The following SOBP variants were observed in gnomAD, a reference collection of about 807,000 sequenced individuals.
SOBP encodes sine oculis-binding protein homolog.
A neutral mutation model predicts 53.6 loss-of-function variants in SOBP; 4 were observed. The observed-to-expected ratio is 0.07, with a 90% CI of 0.04 to 0.17. The LOEUF is 0.17. Ranked by LOEUF, SOBP falls within the 10% of genes least tolerant of loss-of-function variation. SOBP has a pLI of 1.00. For synonymous variants in SOBP, 584 were observed against 522.6 expected, an observed-to-expected ratio of 1.12 and a Z score of -1.60; for missense variants, 1,088 against 1,204.7, an observed-to-expected ratio of 0.90 and a Z score of 1.43.
At chr6:107,628,615 A>G (rs752063182) in intron 5 of SOBP, among the ~76,000 whole-genome samples, 14 of 152,200 alleles carry the variant, frequency 9.2e-5, no homozygotes, top group Non-Finnish European at 1.9e-4. Context: ...GCACACAATC[A>G]TTAGACTGTT....
chr6:107,587,461 TATAGAGAA>T, intron 5 of SOBP, among the ~76,000 whole-genome samples: 1 of 152,250 alleles, frequency 6.6e-6, no homozygotes, highest in Non-Finnish European at 1.5e-5. Context: ...AAGTTAAAAA[TATAGAGAA>T]AGACAGTTGA....
chr6:107,636,025 T>TA (rs1724024529), intron 6 of SOBP, among the ~76,000 whole-genome samples: 1 of 152,224 alleles, frequency 6.6e-6, no homozygotes, highest in Non-Finnish European at 1.5e-5. Context: ...ACCTAACTCT[T>TA]ACATGCATAT....
intron 5 of SOBP, among the ~76,000 whole-genome samples, chr6:107,601,467 GTGTT>G (rs968944209): frequency 6.6e-6 from 1 of 152,204 alleles, no homozygotes; most frequent in African/African-American, 2.4e-5. Flanking sequence ...TTAAAAATAA[GTGTT>G]TGTCATCTTT....
At chr6:107,558,219 A>C (rs1182108512) in intron 4 of SOBP, 2 of 152,130 alleles carry the variant, frequency 1.3e-5, no homozygotes, top group Non-Finnish European at 2.9e-5. Context: ...GAGAACATAA[A>C]ATACTTTGGA....
At position 107,505,416 on chromosome 6, in the gene SOBP, G is replaced by A. The variant is rs1448792196; in HGVS notation, c.236-826G>A. On this transcript the variant is annotated intron_variant, in intron 2 of 6. Transcript: ENST00000317357. ...CAGTTCACTGCAACCTCCGCCTCCT[G>A]GGTTCAAGCGATTCTCGTGCCTCAA... Among the ~76,000 whole-genome samples the A allele has an allele frequency of 2.0e-5, 3 of 151,486 alleles. No individual in the cohort carries two copies. In the East Asian group the frequency reaches 5.8e-4, roughly 30 times the overall value.
intron 1 of SOBP, among the ~76,000 whole-genome samples, chr6:107,491,004 CG>C (rs1319708680): frequency 6.6e-6 from 1 of 152,082 alleles, no homozygotes; most frequent in Non-Finnish European, 1.5e-5. Flanking sequence ...ACTCGAGCGG[CG>C]TTGGGCAGGG....
intron 6 of SOBP, among the ~76,000 whole-genome samples, chr6:107,652,765 C>G (rs1173948059): frequency 6.6e-6 from 1 of 152,150 alleles, no homozygotes; most frequent in East Asian, 1.9e-4. Context: ...GCAACCACCA[C>G]CCTGATTAGT....
intron 5 of SOBP, among the ~76,000 whole-genome samples, chr6:107,606,286 A>AG (rs559338190): frequency 0.016 from 2,388 of 152,132 alleles, 38 homozygotes; most frequent in Non-Finnish European, 0.02. Flanking sequence ...CATGTTGGCC[A>AG]GGCTGGTCTC....
intron 5 of SOBP, among the ~76,000 whole-genome samples, chr6:107,610,932 C>G (rs767939423): frequency 1.5e-4 from 23 of 152,230 alleles, no homozygotes; most frequent in Non-Finnish European, 2.1e-4. Flanking sequence ...CCATAGTTAC[C>G]ATTTGTAGAG....
chr6:107,563,428 G>A (rs1440613749), intron 4 of SOBP, among the ~76,000 whole-genome samples: 1 of 152,086 alleles, frequency 6.6e-6, no homozygotes, highest in Non-Finnish European at 1.5e-5. Flanking sequence ...AGAAAAATGA[G>A]TTGCAACTCT....
In SOBP at chr6:107,634,515, C is replaced by A; in HGVS notation, c.1671C>A (p.Ser557Arg). 4.3e-6 allele frequency: 7 copies of A among 1,611,354 alleles called. No homozygotes were observed. The highest frequency in any genetic ancestry group is 5.1e-6 in the Non-Finnish European group (6 of 1,179,920). The change falls in exon 6 of 7, where the codon AGC becomes AGA. Residue 557 changes from serine to arginine, a missense_variant. Ser to Arg is a moderately radical substitution (Grantham distance 110, BLOSUM62 -1). This residue lies in a region of SOBP where 665 missense variants were observed against 629.7 expected (regional missense o/e 1.06). Transcript: ENST00000317357. The surrounding 1 kb of genome is among the most constrained non-coding windows in gnomAD (Gnocchi z 4.5). Reference protein sequence around the residue: ...SDSKPPNGFSSNGENFIPNAP... With the variant: ...SDSKPPNGFSRNGENFIPNAP... ...CCAAGCCCCCCAACGGGTTCTCCAGCAACGGGGAGAACTTCATTCCGAACG... is the reference window on the plus strand; with the variant it reads ...CCAAGCCCCCCAACGGGTTCTCCAGAAACGGGGAGAACTTCATTCCGAACG...
At chr6:107,549,645 T>C (rs780092170) in intron 4 of SOBP, among the ~76,000 whole-genome samples, 2 of 152,140 alleles carry the variant, frequency 1.3e-5, no homozygotes, top group Non-Finnish European at 2.9e-5. Flanking sequence ...AATGTAGTCA[T>C]TTAGTACTTA....
At chr6:107,622,319 G>A (rs1022997372) in intron 5 of SOBP, among the ~76,000 whole-genome samples, 1 of 152,172 alleles carries the variant, frequency 6.6e-6, no homozygotes, top group African/African-American at 2.4e-5. Context: ...TGGGAAGAAT[G>A]TATTTACAGA....
At chr6:107,603,087 T>C in intron 5 of SOBP, among the ~76,000 whole-genome samples, 1 of 152,214 alleles carries the variant, frequency 6.6e-6, no homozygotes, top group East Asian at 1.9e-4. Flanking sequence ...GATACTCAGC[T>C]AGCAGATGCT....
chr6:107,632,320 TG>T lies in SOBP; in HGVS notation c.670-1192del, dbSNP rs146325905. 5.0e-3 allele frequency among the ~76,000 whole-genome samples: 748 copies of T among 148,384 alleles called. 6 individuals are homozygous for T. The highest frequency in any genetic ancestry group is 0.017 in the African/African-American group (697 of 39,916). ...ATATATGGCTTGAGTGCTGAGAAAA[TG>T]GCCCCCCCCCAAAAAAAAGGAAAAA... is the stretch of plus-strand genomic sequence containing the variant. On this transcript the variant is annotated intron_variant, in intron 5 of 6. Coordinates refer to ENST00000317357, the MANE Select transcript of SOBP (RefSeq NM_018013.4).
At chr6:107,504,586 A>C (rs1390915371) in intron 2 of SOBP, among the ~76,000 whole-genome samples, 1 of 152,210 alleles carries the variant, frequency 6.6e-6, no homozygotes, top group East Asian at 1.9e-4. Context: ...ACTTTAATAA[A>C]ATGTGGGTAA....
chr6:107,617,867 G>A (rs1373509635), intron 5 of SOBP, among the ~76,000 whole-genome samples: 1 of 132,828 alleles, frequency 7.5e-6, no homozygotes. Flanking sequence ...TCTCTCTGTC[G>A]CACAGGCTGG....
intron 3 of SOBP, among the ~76,000 whole-genome samples, chr6:107,507,276 T>G (rs145918206): frequency 6.6e-6 from 1 of 152,194 alleles, no homozygotes; most frequent in East Asian, 1.9e-4. Flanking sequence ...TAAACTTTCT[T>G]AAAACATCAT....
At chr6:107,617,481 A>T (rs1283315719) in intron 5 of SOBP, among the ~76,000 whole-genome samples, 1 of 152,192 alleles carries the variant, frequency 6.6e-6, no homozygotes, top group Non-Finnish European at 1.5e-5. Flanking sequence ...ATCATCAAAG[A>T]TGTCTTAAGC....
Sources: allele counts gnomAD v4.1 joint callset (sites outside exome capture counted in the v4.1 genomes callset), GRCh38; gene constraint gnomAD v4.1.1; regional missense constraint gnomAD v4.1.1; non-coding constraint Gnocchi (gnomAD v3.1); transcripts MANE v1.5; gene names NCBI Gene and HGNC (gene_info 2026-07-23, HGNC 2026-07-21).